FAM184B: variants seen among roughly 807,000 people sequenced by gnomAD.
FAM184B encodes family with sequence similarity 184 member B.
In FAM184B, 111 loss-of-function variants were observed where a neutral mutation model predicts 135.9. The observed-to-expected ratio is 0.82, with a 90% CI of 0.70 to 0.96. The LOEUF (loss-of-function observed/expected upper bound fraction) is 0.96. Ranked by LOEUF, FAM184B falls within the 40% of genes least tolerant of loss-of-function variation. The pLI is 0.00. For missense variants in FAM184B, 1,375 were observed against 1,323.9 expected (o/e 1.04, Z -0.60); for synonymous variants, 552 against 524.8 (o/e 1.05, Z -0.71).
rs1183086526 is a variant in FAM184B at position 17,630,782 on chromosome 4, T to G, written c.*1750A>C. On this transcript the variant is annotated 3_prime_UTR_variant, in exon 18 of 18. Coordinates refer to ENST00000265018, the MANE Select transcript of FAM184B (RefSeq NM_015688.2). ...TTTGACAGTTATATGTAATCAGCTT[T>G]TTTTTTTTTAAGATGGTGTGATTGA... 6.6e-6 allele frequency: 1 copy of G among 150,596 alleles called. No individual in the cohort carries two copies. Among genetic ancestry groups the G allele is most frequent in the Non-Finnish European group, 1.5e-5 (1 of 67,464 alleles). 9.3% of individuals were successfully genotyped at this position (150,596 alleles called of 1,614,324 possible).
chr4:17,686,721 C>T (rs558155972), intron 7 of FAM184B, among the ~76,000 whole-genome samples: 1 of 152,346 alleles, frequency 6.6e-6, no homozygotes, highest in Non-Finnish European at 1.5e-5. Context: ...AAAGGAGGAT[C>T]ACCTGAGGTC....
At chr4:17,760,597 A>C (rs185842673) in intron 1 of FAM184B, among the ~76,000 whole-genome samples, 129 of 152,342 alleles carry the variant, frequency 8.5e-4, no homozygotes, top group Non-Finnish European at 1.6e-3. Context: ...AGAAATAAAT[A>C]AACAAGCAAA....
At chr4:17,701,297 T>G (rs1173139056) in intron 5 of FAM184B, among the ~76,000 whole-genome samples, 1 of 152,234 alleles carries the variant, frequency 6.6e-6, no homozygotes, top group African/African-American at 2.4e-5. Flanking sequence ...GTATATTCTT[T>G]TATACACATA....
At position 17,642,170 on chromosome 4, in the gene FAM184B, C is replaced by A. The variant is rs1715342655; in HGVS notation, c.2405G>T (p.Gly802Val). The change falls in exon 13 of 18, where the codon GGC (glycine) becomes GTC (valine). Residue 802 changes from glycine to valine, a missense_variant. By Grantham distance (109) the Gly-to-Val change is moderately radical. Transcript: ENST00000265018. ...SPPGAAGQGS[G>V]EGCGLWEENA... is the part of the protein sequence containing the mutation. ...CTCCTCCCAGAGCCCGCATCCCTCG[C>A]CGGAACCCTGCCCAGCAGCGCCCGG... The A allele has an allele frequency of 1.3e-6, 2 of 1,532,616 alleles. No homozygotes were observed. The highest frequency in any genetic ancestry group is 1.7e-6 in the Non-Finnish European group (2 of 1,145,280). The allele number at this position is 1,532,616 out of a possible 1,614,324, so 94.9% of individuals were successfully genotyped here. A position where few individuals can be genotyped will look rare whatever the true frequency, so the allele number is the denominator to read the frequency against.
chr4:17,769,576 G>A (rs935642770), intron 1 of FAM184B, among the ~76,000 whole-genome samples: 7 of 152,060 alleles, frequency 4.6e-5, no homozygotes, highest in African/African-American at 1.7e-4. Context: ...GGGAGGGAGT[G>A]GGTAAAGACT....
chr4:17,658,506 C>T lies in FAM184B; in HGVS notation c.1881G>A (p.Leu627=). The change falls in exon 10 of 18, where the codon CTG becomes CTA. Residue 627 remains leucine, a synonymous_variant. Transcript: ENST00000265018. ...GGTCCGAGAGCTGCTTGAGTGCCTGCAGGTCCTCCCTGTAGTTGCTGGTGC... is the reference window on the plus strand; with the variant it reads ...GGTCCGAGAGCTGCTTGAGTGCCTGTAGGTCCTCCCTGTAGTTGCTGGTGC... ...EQCTSNYRED[L]QALKQLSDLE... 1 of 1,551,566 alleles carries T rather than the reference C, an allele frequency of 6.4e-7. No individual in the cohort carries two copies. The highest frequency in any genetic ancestry group is 8.7e-7 in the Non-Finnish European group (1 of 1,147,004).
chr4:17,756,742 T>C (rs1213358927), intron 1 of FAM184B, among the ~76,000 whole-genome samples: 1 of 152,138 alleles, frequency 6.6e-6, no homozygotes, highest in Non-Finnish European at 1.5e-5. Context: ...CTGGACAACA[T>C]GGCAAAAACC....
chr4:17,680,580 C>T (rs1221929201), intron 7 of FAM184B, among the ~76,000 whole-genome samples: 23 of 152,166 alleles, frequency 1.5e-4, no homozygotes, highest in Non-Finnish European at 1.2e-4. Context: ...CCTGGTGTAT[C>T]CTGAGTTGTT....
intron 1 of FAM184B, among the ~76,000 whole-genome samples, chr4:17,710,564 T>C (rs1293738047): frequency 6.6e-6 from 1 of 152,124 alleles, no homozygotes; most frequent in African/African-American, 2.4e-5. Context: ...ATAAGGCACA[T>C]CTAGGAAAAG....
intron 1 of FAM184B, among the ~76,000 whole-genome samples, chr4:17,722,202 AC>A (rs1011664241): frequency 2.6e-5 from 4 of 152,184 alleles, no homozygotes; most frequent in Admixed American, 6.5e-5. Flanking sequence ...ATCACAGGAC[AC>A]CAAAAGGCCA....
intron 1 of FAM184B, among the ~76,000 whole-genome samples, chr4:17,724,062 C>T (rs1483225180): frequency 6.6e-6 from 1 of 151,968 alleles, no homozygotes; most frequent in Non-Finnish European, 1.5e-5. Flanking sequence ...ACTTGTACCC[C>T]TGAAGCTAAT....
chr4:17,755,187 A>G (rs1161219454), intron 1 of FAM184B, among the ~76,000 whole-genome samples: 1 of 152,244 alleles, frequency 6.6e-6, no homozygotes. Context: ...CAATTTGAAT[A>G]AAAGTATCAA....
intron 5 of FAM184B, among the ~76,000 whole-genome samples, chr4:17,697,919 G>T (rs185192654): frequency 6.6e-6 from 1 of 152,222 alleles, no homozygotes; most frequent in African/African-American, 2.4e-5. Context: ...GCATTACTAA[G>T]CTTCATGTTG....
chr4:17,738,866 C>A (rs1717964328), intron 1 of FAM184B, among the ~76,000 whole-genome samples: 1 of 152,086 alleles, frequency 6.6e-6, no homozygotes, highest in Non-Finnish European at 1.5e-5. Flanking sequence ...TGTTAAAAAG[C>A]ATCAGCCCCT....
At chr4:17,651,170 A>C (rs1715605325) in intron 11 of FAM184B, among the ~76,000 whole-genome samples, 1 of 152,228 alleles carries the variant, frequency 6.6e-6, no homozygotes, top group Non-Finnish European at 1.5e-5. Context: ...AGATGACAGT[A>C]AAGGAGAAAA....
At chr4:17,713,403 C>G (rs1360210864) in intron 1 of FAM184B, among the ~76,000 whole-genome samples, 1 of 152,226 alleles carries the variant, frequency 6.6e-6, no homozygotes, top group Non-Finnish European at 1.5e-5. Flanking sequence ...CCTCTCATCA[C>G]TTGGTGCACA....
chr4:17,777,603 G>A (rs1419161501), intron 1 of FAM184B, among the ~76,000 whole-genome samples: 1 of 152,084 alleles, frequency 6.6e-6, no homozygotes, highest in African/African-American at 2.4e-5. Context: ...GAAAAACTCT[G>A]GATTGGACAA....
intron 11 of FAM184B, among the ~76,000 whole-genome samples, chr4:17,648,896 C>G (rs765649712): frequency 1.3e-5 from 2 of 152,066 alleles, no homozygotes; most frequent in Non-Finnish European, 2.9e-5. Flanking sequence ...AGACACTTCC[C>G]GGCATGATTG....
Position 17,651,589 on chromosome 4 carries a change from T to C in FAM184B, c.2191+1241A>G, listed in dbSNP as rs565802776. On this transcript the variant is annotated intron_variant, in intron 11 of 17. Transcript: ENST00000265018. ...GAAGAAAAGAAACATTCAGTCATAA[T>C]GTAACAGGGAACACTTAGATAGACT... 4.0e-4 allele frequency among the ~76,000 whole-genome samples: 57 copies of C among 140,742 alleles called. No homozygotes were observed. In the East Asian group the frequency reaches 8.6e-3, roughly 21 times the overall value. The allele number at this position is 140,742 out of a possible 152,430, so 92.3% of individuals were successfully genotyped here.
Sources: gnomAD v4.1 joint callset for allele counts (sites outside exome capture counted in the v4.1 genomes callset) on GRCh38, gnomAD v4.1.1 for gene constraint, MANE v1.5 for transcripts, NCBI Gene and HGNC (gene_info 2026-07-23, HGNC 2026-07-21) for gene names.